The following WDR27 variants were observed in gnomAD, a reference collection of about 807,000 sequenced individuals.
WDR27 encodes the protein WD repeat-containing protein 27.
In WDR27, 100 loss-of-function variants were observed where a neutral mutation model predicts 114.4. That is an observed-to-expected ratio of 0.87 (90% CI 0.74 to 1.03). The LOEUF is 1.03. Among genes scored for constraint, WDR27 ranks in the 50% least tolerant of loss-of-function variants. The pLI, the probability that WDR27 is intolerant of heterozygous loss-of-function variation, is 0.00. For missense variants in WDR27, 1,129 were observed against 1,092.9 expected (o/e 1.03, Z -0.47); for synonymous variants, 449 against 423.1 (o/e 1.06, Z -0.75).
At chr6:169,655,616 T>C (rs907493528) in intron 13 of WDR27, among the ~76,000 whole-genome samples, 3 of 152,196 alleles carry the variant, frequency 2.0e-5, no homozygotes, top group African/African-American at 7.2e-5. Context: ...AGAAGATTCA[T>C]TGTGATGAAA....
the WDR27 span, among the ~76,000 whole-genome samples, chr6:169,442,420 G>A: frequency 1.3e-5 from 2 of 152,206 alleles, no homozygotes; most frequent in Non-Finnish European, 2.9e-5. Context: ...AGAATCAGGA[G>A]AGATATGGAA....
chr6:169,462,931 C>A (rs1340179980), intron 25 of WDR27, among the ~76,000 whole-genome samples: 2 of 152,106 alleles, frequency 1.3e-5, no homozygotes, highest in African/African-American at 4.8e-5. Context: ...ATTTAAAAAA[C>A]CCCCAACAAA....
At chr6:169,592,891 A>G (rs1214315260) in intron 23 of WDR27, among the ~76,000 whole-genome samples, 1 of 152,224 alleles carries the variant, frequency 6.6e-6, no homozygotes, top group African/African-American at 2.4e-5. Context: ...CCAGAATTTT[A>G]TTGAAGCATC....
chr6:169,659,473 C>T lies in WDR27; in HGVS notation c.1175G>A (p.Arg392Lys), dbSNP rs1398347872. The change falls in exon 11 of 26, where the codon AGG (arginine) becomes AAG (lysine). Residue 392 changes from arginine (R) to lysine (K), a missense_variant. By Grantham distance (26) the Arg-to-Lys change is conservative. Transcript: ENST00000448612. This position sits in a 1 kb window ranked among gnomAD's most constrained non-coding sequence, Gnocchi z 4.3. ...GACCTTTTGATCCGCAGTGCGGTTC[C>T]TCAGGGCACACGATCCGGCCAGCAG... ...SILLAGSCAL[R>K]NRTADQKVLC... 6.2e-7 allele frequency: 1 copy of T among 1,610,168 alleles called. No homozygotes were observed. Among genetic ancestry groups the T allele is most frequent in the South Asian group, 1.1e-5 (1 of 90,162 alleles).
At chr6:169,428,373 A>G in the WDR27 span, among the ~76,000 whole-genome samples, 1 of 152,204 alleles carries the variant, frequency 6.6e-6, no homozygotes, top group Non-Finnish European at 1.5e-5. Context: ...CATTTCAGAA[A>G]GTTTAGAGTG....
intron 21 of WDR27, among the ~76,000 whole-genome samples, chr6:169,632,329 A>T (rs1438183712): frequency 1.3e-5 from 2 of 152,200 alleles, no homozygotes; most frequent in Non-Finnish European, 2.9e-5. Flanking sequence ...TCGTAAGTTA[A>T]ATCCTCAACT....
intron 25 of WDR27, among the ~76,000 whole-genome samples, chr6:169,496,314 C>CAT (rs1257424295): frequency 6.6e-6 from 1 of 151,972 alleles, no homozygotes; most frequent in African/African-American, 2.4e-5. Context: ...CAAGAAAAGC[C>CAT]ATATATGAAA....
chr6:169,570,474 A>G (rs1052648619), intron 25 of WDR27, among the ~76,000 whole-genome samples: 1 of 152,198 alleles, frequency 6.6e-6, no homozygotes, highest in Non-Finnish European at 1.5e-5. Context: ...GCAGTAAATC[A>G]TGCAATTCTC....
intron 25 of WDR27, among the ~76,000 whole-genome samples, chr6:169,505,688 A>G (rs1361792239): frequency 6.6e-6 from 1 of 152,232 alleles, no homozygotes; most frequent in Non-Finnish European, 1.5e-5. Flanking sequence ...TCAACTGCGT[A>G]GAAGGCACAC....
chr6:169,503,219 G>A (rs1018028466), intron 25 of WDR27, among the ~76,000 whole-genome samples: 1 of 152,202 alleles, frequency 6.6e-6, no homozygotes, highest in African/African-American at 2.4e-5. Flanking sequence ...CTGAGTTCAA[G>A]CAACCTGTAA....
intron 2 of WDR27, among the ~76,000 whole-genome samples, chr6:169,688,442 T>C (rs1414074329): frequency 6.6e-6 from 1 of 152,124 alleles, no homozygotes; most frequent in Non-Finnish European, 1.5e-5. Context: ...GTTATAGTCA[T>C]TACAACATGC....
chr6:169,638,651 C>A lies in WDR27; in HGVS notation c.1757G>T (p.Gly586Val). ...GCTCCAGCACACGGCATTCACTGCC[C>A]CGTCGTGACCTAACAGGAATGACCA... is the stretch of plus-strand genomic sequence containing the variant. ...GTPAVFSGHD[G>V]AVNAVCWSQD... Residue 586 changes from glycine to valine, a missense_variant, in exon 18 of 26, where the codon GGG (glycine) becomes GTG (valine). Coordinates refer to ENST00000448612, the MANE Select transcript of WDR27 (RefSeq NM_182552.5). 1.9e-6 allele frequency: 3 copies of A among 1,602,986 alleles called. No individual in the cohort carries two copies. Among genetic ancestry groups the A allele is most frequent in the East Asian group, 2.3e-5 (1 of 44,344 alleles).
chr6:169,514,453 CA>C (rs1188414068), intron 25 of WDR27, among the ~76,000 whole-genome samples: 1 of 145,506 alleles, frequency 6.9e-6, no homozygotes, highest in Non-Finnish European at 1.5e-5. Context: ...GTTAATATAC[CA>C]AAAAAATGTG....
chr6:169,580,973 T>A (rs1803302874), intron 24 of WDR27, among the ~76,000 whole-genome samples: 1 of 142,112 alleles, frequency 7.0e-6, no homozygotes, highest in South Asian at 2.3e-4. Context: ...ATATATAAAT[T>A]CGGTATATGA....
intron 22 of WDR27, among the ~76,000 whole-genome samples, chr6:169,608,900 A>C (rs1809859650): frequency 6.6e-6 from 1 of 152,252 alleles, no homozygotes; most frequent in Non-Finnish European, 1.5e-5. Context: ...CTTCCTAGAT[A>C]CAATGGGGGT....
chr6:169,686,111 A>T (rs1782882825), intron 2 of WDR27, among the ~76,000 whole-genome samples: 1 of 152,224 alleles, frequency 6.6e-6, no homozygotes, highest in South Asian at 2.1e-4. Flanking sequence ...TATTTTTAAG[A>T]AATGAAGGAC....
At chr6:169,676,504 G>A (rs1284575162) in intron 2 of WDR27, among the ~76,000 whole-genome samples, 1 of 152,162 alleles carries the variant, frequency 6.6e-6, no homozygotes, top group Non-Finnish European at 1.5e-5. Flanking sequence ...TCTACATTCT[G>A]CAGAAGATCC....
intron 25 of WDR27, among the ~76,000 whole-genome samples, chr6:169,491,012 C>T (rs1043288768): frequency 6.6e-6 from 1 of 152,184 alleles, no homozygotes; most frequent in African/African-American, 2.4e-5. Flanking sequence ...CAATGCTGCA[C>T]AGAAAAACGT....
At chr6:169,443,423 A>G in the WDR27 span, among the ~76,000 whole-genome samples, 1 of 99,012 alleles carries the variant, frequency 1.0e-5, no homozygotes, top group East Asian at 1.9e-3. Context: ...ACTACTTTAC[A>G]GTAACATATG....
Sources: gnomAD v4.1 joint callset for allele counts (sites outside exome capture counted in the v4.1 genomes callset) on GRCh38, gnomAD v4.1.1 for gene constraint, Gnocchi (gnomAD v3.1) non-coding constraint, MANE v1.5 for transcripts, NCBI Gene and HGNC (gene_info 2026-07-23, HGNC 2026-07-21) for gene names.